Variants in LCLAT1 observed in about 807,000 individuals in gnomAD.
The protein encoded by LCLAT1 is lysocardiolipin acyltransferase 1.
In LCLAT1, 11 loss-of-function variants were observed where a neutral mutation model predicts 30.7. That is an observed-to-expected ratio of 0.36 (90% confidence interval 0.23 to 0.59). LCLAT1 has a LOEUF of 0.59. LCLAT1 is among the 20% of genes least tolerant of loss of function. The pLI is 0.77. For synonymous variants in LCLAT1, 155 were observed against 151.3 expected, an observed-to-expected ratio of 1.02 and a Z score of -0.18; for missense variants, 402 against 458.6, an observed-to-expected ratio of 0.88 and a Z score of 1.13.
At chr2:30,457,961 A>G (rs928831369) in intron 1 of LCLAT1, among the ~76,000 whole-genome samples, 2 of 152,196 alleles carry the variant, frequency 1.3e-5, no homozygotes, top group African/African-American at 4.8e-5. Context: ...CTCGTATAAC[A>G]TAAGAATTCT....
At chr2:30,530,225 A>T (rs1238678194) in intron 2 of LCLAT1, among the ~76,000 whole-genome samples, 1 of 152,240 alleles carries the variant, frequency 6.6e-6, no homozygotes, top group Non-Finnish European at 1.5e-5. Flanking sequence ...TATCTCCTAT[A>T]CTAGCAATAA....
chr2:30,455,237 C>T (rs1183157301), intron 1 of LCLAT1, among the ~76,000 whole-genome samples: 2 of 152,118 alleles, frequency 1.3e-5, no homozygotes, highest in African/African-American at 4.8e-5. Context: ...CTGATTTTCT[C>T]TTTTGTATTT....
At chr2:30,584,563 A>C (rs1360062573) in intron 5 of LCLAT1, among the ~76,000 whole-genome samples, 1 of 152,182 alleles carries the variant, frequency 6.6e-6, no homozygotes, top group South Asian at 2.1e-4. Context: ...CTCTGACAAT[A>C]TCCTGGAAGG....
At chr2:30,463,416 T>G (rs1302501237) in intron 1 of LCLAT1, among the ~76,000 whole-genome samples, 1 of 152,200 alleles carries the variant, frequency 6.6e-6, no homozygotes, top group Non-Finnish European at 1.5e-5. Context: ...TCATTCATTA[T>G]TTTGTAAGTT....
At chr2:30,472,963 T>C (rs755678700) in intron 1 of LCLAT1, among the ~76,000 whole-genome samples, 37 of 152,166 alleles carry the variant, frequency 2.4e-4, no homozygotes, top group Non-Finnish European at 1.5e-5. Context: ...TATTTTTGCA[T>C]TAAATCATAA....
At chr2:30,456,562 G>A (rs937166921) in intron 1 of LCLAT1, among the ~76,000 whole-genome samples, 1 of 152,098 alleles carries the variant, frequency 6.6e-6, no homozygotes, top group African/African-American at 2.4e-5. Context: ...GTTGTGGGTG[G>A]GGGTGGGCCA....
intron 1 of LCLAT1, among the ~76,000 whole-genome samples, chr2:30,504,198 CATATTACATAACATAACAT>C (rs2148347546): frequency 6.6e-6 from 1 of 151,998 alleles, no homozygotes; most frequent in Admixed American, 6.6e-5. Context: ...ACATATATAA[CATATTACATAACATAACAT>C]ATATTACATG....
chr2:30,485,243 C>G (rs1683508430), intron 1 of LCLAT1, among the ~76,000 whole-genome samples: 2 of 152,116 alleles, frequency 1.3e-5, no homozygotes, highest in Non-Finnish European at 2.9e-5. Flanking sequence ...CCCCGCTTAG[C>G]TGAATAGTTT....
chr2:30,565,120 T>C (rs919784960), intron 4 of LCLAT1, among the ~76,000 whole-genome samples: 1 of 152,170 alleles, frequency 6.6e-6, no homozygotes, highest in Non-Finnish European at 1.5e-5. Flanking sequence ...TAGGGTTCTC[T>C]AGAGAAAGAG....
chr2:30,507,703 A>G (rs934308523), intron 1 of LCLAT1, among the ~76,000 whole-genome samples: 1 of 152,170 alleles, frequency 6.6e-6, no homozygotes, highest in African/African-American at 2.4e-5. Flanking sequence ...TTCTTTATCC[A>G]GTCTACCATT....
intron 1 of LCLAT1, among the ~76,000 whole-genome samples, chr2:30,467,395 A>C (rs1332865977): frequency 6.6e-6 from 1 of 152,200 alleles, no homozygotes; most frequent in African/African-American, 2.4e-5. Flanking sequence ...TGCCACAATA[A>C]ACATGTGTGC....
chr2:30,481,445 A>G (rs1168407780), intron 1 of LCLAT1, among the ~76,000 whole-genome samples: 1 of 149,492 alleles, frequency 6.7e-6, no homozygotes, highest in Admixed American at 6.8e-5. Context: ...AAGCCTCAGC[A>G]TTTAGAGGTC....
At chr2:30,581,111 G>A (rs1572653213) in intron 5 of LCLAT1, among the ~76,000 whole-genome samples, 2 of 152,110 alleles carry the variant, frequency 1.3e-5, no homozygotes, top group African/African-American at 4.8e-5. Context: ...ATGAGAAAAG[G>A]AAGCTGACCA....
intron 5 of LCLAT1, among the ~76,000 whole-genome samples, chr2:30,589,734 G>A (rs1666609083): frequency 6.6e-6 from 1 of 152,132 alleles, no homozygotes; most frequent in African/African-American, 2.4e-5. Context: ...ATTTATAATG[G>A]TGTCTGTTTT....
chr2:30,534,531 G>A (rs902383660), intron 3 of LCLAT1, among the ~76,000 whole-genome samples: 1 of 152,148 alleles, frequency 6.6e-6, no homozygotes, highest in Non-Finnish European at 1.5e-5. Context: ...GCCTGCGTTG[G>A]CCTCCCAAAG....
At chr2:30,613,706 G>T (rs1287296362) in intron 5 of LCLAT1, among the ~76,000 whole-genome samples, 1 of 117,962 alleles carries the variant, frequency 8.5e-6, no homozygotes, top group East Asian at 2.5e-4. Flanking sequence ...GACAATTGTG[G>T]GGAGAGGGTC....
chr2:30,575,006 G>C (rs1460042866), intron 5 of LCLAT1, among the ~76,000 whole-genome samples: 1 of 152,090 alleles, frequency 6.6e-6, no homozygotes, highest in Non-Finnish European at 1.5e-5. Context: ...TAGTCTGTGT[G>C]GCTCTTTTGG....
intron 4 of LCLAT1, 30 bp from the exon 5 acceptor site, chr2:30,568,030 T>C: frequency 8.7e-7 from 1 of 1,151,502 alleles, no homozygotes; most frequent in Non-Finnish European, 1.3e-6. Context: ...CTTTAGTTTA[T>C]GATTTATAAT....
intron 1 of LCLAT1, among the ~76,000 whole-genome samples, chr2:30,464,584 A>G (rs1047978665): frequency 6.6e-6 from 1 of 152,234 alleles, no homozygotes; most frequent in Admixed American, 6.5e-5. Flanking sequence ...TGCATGTCAG[A>G]TACGTGCAGA....
Sources: allele counts gnomAD v4.1 joint callset (sites outside exome capture counted in the v4.1 genomes callset), GRCh38; gene constraint gnomAD v4.1.1; transcripts MANE v1.5; gene names NCBI Gene and HGNC (gene_info 2026-07-23, HGNC 2026-07-21).